ASPRV1: variants seen among roughly 807,000 people sequenced by gnomAD.
ASPRV1 encodes the protein retroviral-like aspartic protease 1.
Under a neutral mutation model 11.0 loss-of-function variants are expected in ASPRV1, and 7 were observed. The observed-to-expected ratio is 0.64, with a 90% CI of 0.36 to 1.20. ASPRV1 has a LOEUF of 1.20. Ranked by LOEUF, ASPRV1 falls within the 50% of genes most tolerant of loss-of-function variation. ASPRV1 has a pLI of 0.02. For synonymous variants in ASPRV1, 136 were observed against 138.4 expected (o/e 0.98, Z 0.12); for missense variants, 299 against 320.0 (o/e 0.93, Z 0.50).
At chr2:70,045,058 T>C in the ASPRV1 span, among the ~76,000 whole-genome samples, 1 of 152,242 alleles carries the variant, frequency 6.6e-6, no homozygotes, top group Non-Finnish European at 1.5e-5. Context: ...CTGCAGCATC[T>C]CTATATATAG....
chr2:69,959,704 G>A (rs1263869814), downstream of ASPRV1, among the ~76,000 whole-genome samples: 1 of 152,084 alleles, frequency 6.6e-6, no homozygotes. Flanking sequence ...CCAAGTTCTC[G>A]CTCCTGGACA....
chr2:69,980,050 C>A, the ASPRV1 span, among the ~76,000 whole-genome samples: 2 of 152,214 alleles, frequency 1.3e-5, no homozygotes, highest in Non-Finnish European at 2.9e-5. Flanking sequence ...GCCTCATTGT[C>A]GCTGGGTTCC....
At chr2:70,035,940 A>G in the ASPRV1 span, among the ~76,000 whole-genome samples, 1 of 151,790 alleles carries the variant, frequency 6.6e-6, no homozygotes, top group African/African-American at 2.4e-5. Context: ...TTACTGTATT[A>G]CTTTCATGCT....
chr2:70,001,632 T>C, the ASPRV1 span, among the ~76,000 whole-genome samples: 1 of 152,092 alleles, frequency 6.6e-6, no homozygotes, highest in African/African-American at 2.4e-5. Flanking sequence ...TGGTGGCACA[T>C]ACCTGTAACT....
At chr2:69,988,458 G>C in the ASPRV1 span, 2 of 263,684 alleles carry the variant, frequency 7.6e-6, no homozygotes, top group Non-Finnish European at 1.5e-5. Context: ...GAGGTGTCTA[G>C]AGTAGTCAAG....
the ASPRV1 span, among the ~76,000 whole-genome samples, chr2:70,062,280 G>A: frequency 4.6e-5 from 7 of 152,042 alleles, no homozygotes; most frequent in African/African-American, 1.7e-4. Flanking sequence ...ACTCCAGCCT[G>A]GGCAACAAGA....
At chr2:70,026,926 C>T in the ASPRV1 span, among the ~76,000 whole-genome samples, 9 of 152,158 alleles carry the variant, frequency 5.9e-5, no homozygotes, top group African/African-American at 2.2e-4. Flanking sequence ...AAACTAGAGG[C>T]ATCGCACTAC....
chr2:70,034,518 C>T, the ASPRV1 span, among the ~76,000 whole-genome samples: 1 of 150,366 alleles, frequency 6.7e-6, no homozygotes, highest in Admixed American at 6.7e-5. Flanking sequence ...TTGCACTAAG[C>T]AGGGATTGCG....
At chr2:69,982,741 C>A in the ASPRV1 span, among the ~76,000 whole-genome samples, 1 of 152,100 alleles carries the variant, frequency 6.6e-6, no homozygotes, top group East Asian at 1.9e-4. Flanking sequence ...CCTTCTCAGG[C>A]CTGCAGCTGG....
At chr2:70,078,084 G>A in the ASPRV1 span, among the ~76,000 whole-genome samples, 4 of 152,062 alleles carry the variant, frequency 2.6e-5, no homozygotes, top group African/African-American at 9.7e-5. Flanking sequence ...GGAGACCCGG[G>A]AGGCGGAAGC....
chr2:70,034,017 G>T, the ASPRV1 span, among the ~76,000 whole-genome samples: 1 of 151,850 alleles, frequency 6.6e-6, no homozygotes, highest in East Asian at 2.0e-4. Flanking sequence ...AGCCGGGCGA[G>T]GTGGTGGGCG....
the ASPRV1 span, among the ~76,000 whole-genome samples, chr2:69,990,356 G>C: frequency 1.3e-5 from 2 of 151,806 alleles, no homozygotes; most frequent in African/African-American, 4.8e-5. Context: ...GCTAATATTT[G>C]TATTTATATT....
the ASPRV1 span, among the ~76,000 whole-genome samples, chr2:69,979,732 T>C: frequency 6.6e-6 from 1 of 152,262 alleles, no homozygotes; most frequent in East Asian, 1.9e-4. Context: ...CAAGATGAAG[T>C]TTCCTCCTCC....
chr2:70,074,143 A>G, the ASPRV1 span, among the ~76,000 whole-genome samples: 2 of 149,290 alleles, frequency 1.3e-5, no homozygotes, highest in African/African-American at 4.9e-5. Flanking sequence ...CAAAAAAAAA[A>G]AAAAAAAAAA....
At chr2:70,043,996 C>A in the ASPRV1 span, among the ~76,000 whole-genome samples, 1 of 152,142 alleles carries the variant, frequency 6.6e-6, no homozygotes, top group Non-Finnish European at 1.5e-5. Context: ...CCCAGCATCT[C>A]TCTTCAAGGC....
the ASPRV1 span, among the ~76,000 whole-genome samples, chr2:70,068,798 A>G: frequency 6.6e-6 from 1 of 151,646 alleles, no homozygotes; most frequent in Non-Finnish European, 1.5e-5. Flanking sequence ...TAACAAAATT[A>G]GCCAGTCGTG....
the ASPRV1 span, among the ~76,000 whole-genome samples, chr2:69,950,976 G>A: frequency 6.6e-6 from 1 of 151,350 alleles, no homozygotes; most frequent in Admixed American, 6.6e-5. Flanking sequence ...TTGTTAAAAG[G>A]AAAGAAAGAA....
the ASPRV1 span, among the ~76,000 whole-genome samples, chr2:70,078,075 G>A: frequency 1.3e-5 from 2 of 151,982 alleles, no homozygotes; most frequent in Middle Eastern, 3.4e-3. Flanking sequence ...GCTGAGGCAG[G>A]AGACCCGGGA....
At chr2:70,025,997 A>T in the ASPRV1 span, among the ~76,000 whole-genome samples, 2 of 152,250 alleles carry the variant, frequency 1.3e-5, no homozygotes, top group African/African-American at 4.8e-5. Context: ...AAGAGATGCC[A>T]CATCATGGGC....
Sources: allele counts gnomAD v4.1 joint callset (sites outside exome capture counted in the v4.1 genomes callset), GRCh38; gene constraint gnomAD v4.1.1; transcripts MANE v1.5; gene names NCBI Gene and HGNC (gene_info 2026-07-23, HGNC 2026-07-21).